MACF1: variants seen among roughly 807,000 people sequenced by gnomAD.
MACF1 encodes the protein microtubule actin crosslinking factor 1, also known as microtubule-actin cross-linking factor 1.
A neutral mutation model predicts 854.8 loss-of-function variants in MACF1; 193 were observed. That is an observed-to-expected ratio of 0.23 (90% CI 0.20 to 0.25). MACF1 has a LOEUF of 0.25. MACF1 is among the 10% of genes least tolerant of loss of function. MACF1 has a pLI of 1.00. For missense variants in MACF1, 7,722 were observed against 8,929.1 expected (o/e 0.86, Z 5.45); for synonymous variants, 3,185 against 3,226.7 (o/e 0.99, Z 0.44).
chr1:39,101,943 G>T (rs1159956109), intron 2 of MACF1, among the ~76,000 whole-genome samples: 1 of 151,202 alleles, frequency 6.6e-6, no homozygotes. Flanking sequence ...TTGGAAGGCC[G>T]ATGCGGGCGG....
At chr1:39,448,446 A>G in intron 83 of MACF1, 148 bp from the exon 84 acceptor site, 1 of 664,126 alleles carries the variant, frequency 1.5e-6, no homozygotes, top group East Asian at 2.9e-5. Context: ...AAATTTCTTA[A>G]GGATAAGCTA....
intron 15 of MACF1, among the ~76,000 whole-genome samples, chr1:39,289,448 G>T (rs952140890): frequency 2.6e-5 from 4 of 152,140 alleles, no homozygotes; most frequent in Admixed American, 1.3e-4. Context: ...GGGGTGAGAT[G>T]ATATCACATT....
chr1:39,481,729 G>A (rs950632134), intron 99 of MACF1, among the ~76,000 whole-genome samples: 2 of 152,212 alleles, frequency 1.3e-5, no homozygotes, highest in Non-Finnish European at 2.9e-5. Context: ...TGGACTAGTG[G>A]CTTGTCTGAT....
In MACF1 at chr1:39,388,319, C is replaced by T. The variant is rs147597953; in HGVS notation, c.15477C>T (p.Ile5159=). ...GRDTDSLQSQ[I]EDVRLFLNKI... The stretch of plus-strand genomic sequence containing the variant: ...ACACTGATAGCCTCCAGTCCCAAAT[C>T]GAGGATGTCCGGCTATTCCTTAACA... Residue 5159 remains isoleucine (I), a synonymous_variant, in exon 58 of 101, where the codon ATC becomes ATT. Coordinates refer to ENST00000564288, the MANE Select transcript of MACF1 (RefSeq NM_001394062.1). 8.1e-5 allele frequency: 130 copies of T among 1,614,036 alleles called. No individual in the cohort carries two copies. Among genetic ancestry groups the T allele is most frequent in the Non-Finnish European group, 9.8e-5 (116 of 1,180,042 alleles).
intron 2 of MACF1, among the ~76,000 whole-genome samples, chr1:39,171,264 T>C (rs1280839802): frequency 1.3e-5 from 2 of 151,962 alleles, no homozygotes; most frequent in East Asian, 1.9e-4. Flanking sequence ...TCCAGTTTTA[T>C]TGTGGTAAAA....
intron 99 of MACF1, among the ~76,000 whole-genome samples, chr1:39,482,791 C>CAAA (rs1192268809): frequency 1.6e-4 from 12 of 74,828 alleles, no homozygotes; most frequent in Admixed American, 5.7e-4. Context: ...GAGACTGCCT[C>CAAA]AAAAAAAAAA....
chr1:39,089,199 ATT>A (rs953639431), intron 2 of MACF1, among the ~76,000 whole-genome samples: 1 of 149,882 alleles, frequency 6.7e-6, no homozygotes, highest in Non-Finnish European at 1.5e-5. Flanking sequence ...CCCTGTCTCT[ATT>A]TTTTTTTTAA....
chr1:39,226,307 GGCT>G (rs1644714941), intron 1 of MACF1, among the ~76,000 whole-genome samples: 1 of 152,048 alleles, frequency 6.6e-6, no homozygotes, highest in African/African-American at 2.4e-5. Flanking sequence ...GTTATGGAAG[GGCT>G]TGGTAGATGA....
intron 2 of MACF1, among the ~76,000 whole-genome samples, chr1:39,167,339 C>T (rs1180747605): frequency 1.3e-5 from 2 of 151,404 alleles, no homozygotes; most frequent in African/African-American, 4.9e-5. Context: ...CTTTGGGAGG[C>T]TGAGGCGGGT....
intron 2 of MACF1, among the ~76,000 whole-genome samples, chr1:39,149,193 G>C (rs1643524089): frequency 6.6e-6 from 1 of 152,158 alleles, no homozygotes; most frequent in South Asian, 2.1e-4. Context: ...TAGGATTTGA[G>C]AATGGGTTGG....
chr1:39,109,100 C>T (rs1642327568), intron 2 of MACF1, among the ~76,000 whole-genome samples: 1 of 152,140 alleles, frequency 6.6e-6, no homozygotes, highest in South Asian at 2.1e-4. Flanking sequence ...TTGTGGGCTC[C>T]AGTCCTAGTT....
intron 5 of MACF1, among the ~76,000 whole-genome samples, chr1:39,255,010 G>A (rs1361657838): frequency 6.6e-6 from 1 of 152,024 alleles, no homozygotes. Context: ...GGTAGTCATA[G>A]AACGTTTCAC....
At chr1:39,350,201 A>T (rs562291232) in intron 42 of MACF1, among the ~76,000 whole-genome samples, 2 of 152,206 alleles carry the variant, frequency 1.3e-5, no homozygotes, top group African/African-American at 2.4e-5. Flanking sequence ...GAAATGAAAG[A>T]TATGTAGGCG....
chr1:39,165,198 G>T (rs960457370), intron 2 of MACF1, among the ~76,000 whole-genome samples: 6 of 152,150 alleles, frequency 3.9e-5, no homozygotes, highest in Non-Finnish European at 8.8e-5. Flanking sequence ...CCTTCATAGT[G>T]AGAACTGTGT....
intron 38 of MACF1, among the ~76,000 whole-genome samples, chr1:39,339,199 G>A (rs1483202144): frequency 1.3e-5 from 2 of 152,090 alleles, no homozygotes; most frequent in Non-Finnish European, 2.9e-5. Context: ...AGGTTGTATT[G>A]AGCTATGAAT....
intron 97 of MACF1, among the ~76,000 whole-genome samples, chr1:39,471,987 C>A (rs750342269): frequency 4.6e-5 from 7 of 152,164 alleles, no homozygotes; most frequent in Non-Finnish European, 8.8e-5. Flanking sequence ...TAGCTTAGAA[C>A]TGAATTTTAA....
intron 68 of MACF1, 112 bp downstream of exon 68, chr1:39,433,267 G>A: frequency 1.7e-6 from 1 of 591,160 alleles, no homozygotes; most frequent in Admixed American, 3.3e-5. Context: ...CTTTTCTTAT[G>A]ATTGTTATTA....
intron 6 of MACF1, among the ~76,000 whole-genome samples, chr1:39,271,351 C>T (rs2148359851): frequency 6.6e-6 from 1 of 152,174 alleles, no homozygotes; most frequent in Middle Eastern, 3.4e-3. Flanking sequence ...TGGGATGTGC[C>T]ACACACTTTT....
intron 6 of MACF1, among the ~76,000 whole-genome samples, chr1:39,274,295 A>G (rs1331909014): frequency 3.9e-5 from 6 of 151,962 alleles, no homozygotes; most frequent in African/African-American, 1.5e-4. Flanking sequence ...TTGTATAAAA[A>G]TAAAAATGTA....
Sources: gnomAD v4.1 joint callset for allele counts (sites outside exome capture counted in the v4.1 genomes callset) on GRCh38, gnomAD v4.1.1 for gene constraint, MANE v1.5 for transcripts, NCBI Gene and HGNC (gene_info 2026-07-23, HGNC 2026-07-21) for gene names.